RTBDN: variants seen among roughly 807,000 people sequenced by gnomAD.
The protein encoded by RTBDN is retbindin.
Under a neutral mutation model 21.9 loss-of-function variants are expected in RTBDN, and 24 were observed. The ratio of observed to expected loss-of-function variants is 1.10; its 90% CI spans 0.79 to 1.54. The LOEUF (loss-of-function observed/expected upper bound fraction) is 1.54. RTBDN is among the 40% of genes most tolerant of loss of function. RTBDN has a pLI of 0.00. For synonymous variants in RTBDN, 141 were observed against 125.9 expected, an observed-to-expected ratio of 1.12 and a Z score of -0.80; for missense variants, 325 against 315.2, an observed-to-expected ratio of 1.03 and a Z score of -0.23.
chr19:12,828,451 A>G (rs914607259), intron 4 of RTBDN, among the ~76,000 whole-genome samples: 20 of 152,000 alleles, frequency 1.3e-4, no homozygotes, highest in African/African-American at 4.8e-4. Flanking sequence ...GAAAAGCCAC[A>G]TTGCCATATG....
At position 12,830,034 on chromosome 19, in the gene RTBDN, T is replaced by G; in HGVS notation, c.-18-37A>C. On this transcript the variant is annotated intron_variant, in intron 1 of 5. Transcript: ENST00000674343. This position sits in a 1 kb window ranked among gnomAD's most constrained non-coding sequence, Gnocchi z 4.2. ...AGGGTGGGGTTCAGCCATCCCTTTC[T>G]GTGAGCTTAGGGTGGCACCCACCCA... 1.3e-6 allele frequency: 2 copies of G among 1,581,074 alleles called. No individual in the cohort carries two copies. Among genetic ancestry groups the G allele is most frequent in the East Asian group, 2.3e-5 (1 of 44,262 alleles).
At chr19:12,828,484 G>A (rs968655673) in intron 4 of RTBDN, among the ~76,000 whole-genome samples, 173 bp downstream of exon 4, 3 of 152,260 alleles carry the variant, frequency 2.0e-5, no homozygotes, top group Non-Finnish European at 4.4e-5. Context: ...AAAGCTGGGG[G>A]CTTCTCATGC....
intron 5 of RTBDN, 188 bp from the exon 6 acceptor site, chr19:12,826,121 C>G (rs980242593): frequency 1.4e-6 from 2 of 1,395,704 alleles, no homozygotes; most frequent in Non-Finnish European, 9.3e-7. Flanking sequence ...TCTTACTGGG[C>G]CCTAGCGGGA....
rs1385790456 is a variant in RTBDN at position 12,825,810 on chromosome 19, G to C, written c.586C>G (p.Arg196Gly). 13 of 1,612,806 alleles carry C rather than the reference G, an allele frequency of 8.1e-6. No individual in the cohort carries two copies. The highest frequency in any genetic ancestry group is 8.5e-6 in the Non-Finnish European group (10 of 1,179,324). ...ISAVPRPRPG[R>G]RGREAPSRRS... ...CGGGAGGGAGCTTCCCGGCCCCGTC[G>C]TCCTGGTCTGGGACGAGGTACCGCG... Residue 196 changes from arginine (R) to glycine (G), a missense_variant, in exon 6 of 6, where the codon CGA (arginine) becomes GGA (glycine). Transcript: ENST00000674343.
rs1969319847 is a variant in RTBDN, at chr19:12,826,805, G to A, written c.432C>T (p.Gly144=). Residue 144 remains glycine (G), a synonymous_variant, in exon 5 of 6, where the codon GGC becomes GGT. Transcript: ENST00000674343. ...PTWLPLSEKR[G]CEPSCLTYGQ... ...CATAGGTAAGGCAGCTGGGCTCACA[G>A]CCCCTTTTTTCTGAGAGTGGGAGCC... 1.9e-6 allele frequency: 3 copies of A among 1,555,060 alleles called. No individual in the cohort carries two copies. Among genetic ancestry groups the A allele is most frequent in the Non-Finnish European group, 2.6e-6 (3 of 1,149,444 alleles).
chr19:12,833,537 G>T (rs1319737243), intron 1 of RTBDN, among the ~76,000 whole-genome samples: 1 of 152,080 alleles, frequency 6.6e-6, no homozygotes, highest in East Asian at 1.9e-4. Flanking sequence ...CTGGGAATGT[G>T]TCTCACCAAG....
intron 1 of RTBDN, chr19:12,832,846 C>T (rs1969628322): frequency 6.6e-6 from 1 of 152,248 alleles, no homozygotes; most frequent in South Asian, 2.1e-4. Flanking sequence ...CCGCGCCCTC[C>T]GGGACCTTGG....
Position 12,828,887 on chromosome 19 carries a change from C to T in RTBDN, c.236G>A (p.Cys79Tyr), listed in dbSNP as rs368091371. 171 of 1,614,114 alleles carry T rather than the reference C, an allele frequency of 1.1e-4. No individual in the cohort carries two copies. The highest frequency in any genetic ancestry group is 1.6e-4 in the Middle Eastern group (1 of 6,084). Reference sequence around the variant, plus strand: ...TACTCACTCAGGGCTCGGCACTCCACAGCGTTCTGGATGGTTTCCAGGGCC... The same window carrying T: ...TACTCACTCAGGGCTCGGCACTCCATAGCGTTCTGGATGGTTTCCAGGGCC... ...TSGPGNHPER[C>Y]GVPSPECESF... Residue 79 changes from cysteine to tyrosine, a missense_variant, in exon 3 of 6, where the codon TGT becomes TAT. Cys to Tyr is a radical substitution (Grantham distance 194). Coordinates refer to ENST00000674343, the MANE Select transcript of RTBDN (RefSeq NM_001270441.2).
Position 12,828,719 on chromosome 19 carries a change from G to C in RTBDN, c.303C>G (p.Phe101Leu), listed in dbSNP as rs773773100. ...EHLQRALRSR[F>L]RLRLLGVRQA... The stretch of plus-strand genomic sequence containing the variant: ...GGCGTACCCCCAATAGCCGCAGGCG[G>C]AAGCGACTGCGAAGGGCACGTTGGA... The change falls in exon 4 of 6, where the codon TTC (phenylalanine) becomes TTG (leucine). Residue 101 changes from phenylalanine (F) to leucine (L), a missense_variant. Physicochemically the swap from Phe to Leu is conservative, Grantham distance 22 (BLOSUM62 0). Coordinates refer to ENST00000674343, the MANE Select transcript of RTBDN (RefSeq NM_001270441.2). The C allele has an allele frequency of 2.2e-5, 35 of 1,614,126 alleles. No homozygotes were observed. The highest frequency in any genetic ancestry group is 3.3e-5 in the Admixed American group (2 of 60,012).
intron 5 of RTBDN, chr19:12,826,509 C>A: frequency 1.2e-6 from 1 of 823,064 alleles, no homozygotes; most frequent in Non-Finnish European, 1.7e-6. Flanking sequence ...GCCTGGCCAA[C>A]ATGGTGAAAC....
At chr19:12,831,520 C>G (rs181622975) in intron 1 of RTBDN, among the ~76,000 whole-genome samples, 1 of 152,162 alleles carries the variant, frequency 6.6e-6, no homozygotes, top group South Asian at 2.1e-4. Context: ...GGCTGGCCAA[C>G]GTGGTGAAAC....
At position 12,830,147 on chromosome 19, in the gene RTBDN, CA is replaced by C. The variant is rs2145858602; in HGVS notation, c.-18-151del. 7.9e-7 allele frequency: 1 copy of C among 1,271,386 alleles called. No homozygotes were observed. The highest frequency in any genetic ancestry group is 1.5e-5 in the African/African-American group (1 of 66,588). 78.8% of individuals were successfully genotyped at this position (1,271,386 alleles called of 1,614,324 possible). The stretch of plus-strand genomic sequence containing the variant: ...GCAGTGGCCAAGGACGTTCAAATCC[CA>C]GGAGACCATCAGGGCCTGCCTCCAA... On this transcript the variant is annotated intron_variant, in intron 1 of 5. Transcript: ENST00000674343. This position sits in a 1 kb window ranked among gnomAD's most constrained non-coding sequence, Gnocchi z 4.2.
At position 12,828,942 on chromosome 19, in the gene RTBDN, G is replaced by C; in HGVS notation, c.181C>G (p.Pro61Ala). 1 of 1,614,164 alleles carries C rather than the reference G, an allele frequency of 6.2e-7. No individual in the cohort carries two copies. Among genetic ancestry groups the C allele is most frequent in the Non-Finnish European group, 8.5e-7 (1 of 1,180,022 alleles). The change falls in exon 3 of 6, where the codon CCC (proline) becomes GCC (alanine). Residue 61 changes from proline (P) to alanine (A), a missense_variant. Physicochemically the swap from Pro to Ala is conservative, Grantham distance 27. Transcript: ENST00000674343. Reference protein sequence around the residue: ...GKLHLAGPCCPSEMDTTETSG... With the variant: ...GKLHLAGPCCASEMDTTETSG... ...GTCTCTGTTGTGTCCATCTCTGAGG[G>C]ACAACAAGGTCCTGGCAAAGGGGAA...
upstream of RTBDN, chr19:12,834,631 G>C: frequency 6.6e-7 from 1 of 1,516,042 alleles, no homozygotes; most frequent in South Asian, 1.2e-5. This position sits in a 1 kb window ranked among gnomAD's most constrained non-coding sequence, Gnocchi z 4.7. Flanking sequence ...TGGGTGGGCG[G>C]GAGCGATTTT....
chr19:12,831,056 G>A (rs1262826692), intron 1 of RTBDN, among the ~76,000 whole-genome samples: 2 of 140,196 alleles, frequency 1.4e-5, no homozygotes, highest in African/African-American at 5.3e-5. Context: ...GTGTGTGTGT[G>A]TATACGTTCA....
At position 12,834,269 on chromosome 19, in the gene RTBDN, G is replaced by A. The variant is rs888962493; in HGVS notation, c.-19+220C>T. On this transcript the variant is annotated intron_variant, in intron 1 of 5. Coordinates refer to ENST00000674343, the MANE Select transcript of RTBDN (RefSeq NM_001270441.2). The surrounding 1 kb of genome is among the most constrained non-coding windows in gnomAD (Gnocchi z 4.7). The stretch of plus-strand genomic sequence containing the variant: ...TCGAGGATCGCCTGAGGGGCGCCTG[G>A]CCCGCCCTAGGGGGATGGGGCTGGG... Among the ~76,000 whole-genome samples, 6 of 152,158 alleles carry A rather than the reference G, an allele frequency of 3.9e-5. No individual in the cohort carries two copies. The highest frequency in any genetic ancestry group is 8.8e-5 in the Non-Finnish European group (6 of 67,990).
chr19:12,834,460 G>T lies in RTBDN; in HGVS notation c.-19+29C>A. 1.3e-6 allele frequency: 2 copies of T among 1,506,322 alleles called. No homozygotes were observed. Among genetic ancestry groups the T allele is most frequent in the Non-Finnish European group, 1.8e-6 (2 of 1,119,542 alleles). 93.3% of individuals were successfully genotyped at this position (1,506,322 alleles called of 1,614,324 possible). A position where few individuals can be genotyped will look rare whatever the true frequency, so the allele number is the denominator to read the frequency against. ...ACCACCCCAGGAGCCCCCTCCCGAG[G>T]CATAGGACGCCCTGCGTCCCCCACG... is the stretch of plus-strand genomic sequence containing the variant. On this transcript the variant is annotated intron_variant, in intron 1 of 5. Coordinates refer to ENST00000674343, the MANE Select transcript of RTBDN (RefSeq NM_001270441.2). This position sits in a 1 kb window ranked among gnomAD's most constrained non-coding sequence, Gnocchi z 4.7.
In RTBDN at chr19:12,832,031, G is replaced by A. The variant is rs576695064; in HGVS notation, c.-18-2034C>T. Among the ~76,000 whole-genome samples, 4 of 152,284 alleles carry A rather than the reference G, an allele frequency of 2.6e-5. No individual in the cohort carries two copies. In the South Asian group the frequency reaches 8.3e-4, roughly 32 times the overall value. The stretch of plus-strand genomic sequence containing the variant: ...TGTGTTTGTATGGCTGCAGATGTGA[G>A]TTTGTGTGTATCTGTATTTTTGGAT... On this transcript the variant is annotated intron_variant, in intron 1 of 5. Coordinates refer to ENST00000674343, the MANE Select transcript of RTBDN (RefSeq NM_001270441.2).
At chr19:12,832,131 G>T (rs1969595561) in intron 1 of RTBDN, among the ~76,000 whole-genome samples, 2 of 152,170 alleles carry the variant, frequency 1.3e-5, no homozygotes, top group Admixed American at 6.5e-5. Flanking sequence ...GTCTGTGTTT[G>T]TGGAGTATAT....
Sources: allele counts gnomAD v4.1 joint callset (sites outside exome capture counted in the v4.1 genomes callset), GRCh38; gene constraint gnomAD v4.1.1; non-coding constraint Gnocchi (gnomAD v3.1); transcripts MANE v1.5; gene names NCBI Gene and HGNC (gene_info 2026-07-23, HGNC 2026-07-21).